LCORL: variants seen among roughly 807,000 people sequenced by gnomAD.
LCORL encodes the protein ligand-dependent nuclear receptor corepressor-like protein.
A neutral mutation model predicts 141.8 loss-of-function variants in LCORL; 41 were observed. The observed-to-expected ratio is 0.29, with a 90% CI of 0.23 to 0.38. The LOEUF is 0.38. Among genes scored for constraint, LCORL ranks in the 10% least tolerant of loss-of-function variants. The pLI, the probability that LCORL is intolerant of heterozygous loss-of-function variation, is 1.00. For synonymous variants in LCORL, 618 were observed against 694.1 expected (o/e 0.89, Z 1.72); for missense variants, 1,759 against 2,035.0 (o/e 0.86, Z 2.61).
intron 5 of LCORL, among the ~76,000 whole-genome samples, chr4:17,897,213 CTTTTTTTTTTTTTTTT>C (rs761784734): frequency 0.015 from 964 of 63,986 alleles, 61 homozygotes; most frequent in African/African-American, 0.046. Context: ...ATACTGATTT[CTTTTTTTTTTTTTTTT>C]TTTTTTTTTT....
At chr4:17,991,849 A>G (rs1040099059) in intron 1 of LCORL, among the ~76,000 whole-genome samples, 5 of 151,936 alleles carry the variant, frequency 3.3e-5, no homozygotes, top group Non-Finnish European at 7.4e-5. Flanking sequence ...CCATATCTGA[A>G]GCCCTAAACT....
intron 4 of LCORL, among the ~76,000 whole-genome samples, chr4:17,923,903 A>G (rs544231659): frequency 6.6e-6 from 1 of 152,008 alleles, no homozygotes; most frequent in Admixed American, 6.5e-5. Context: ...TTTCCCAATC[A>G]TGATTCTTCC....
At chr4:17,940,460 T>C (rs1737755844) in intron 4 of LCORL, among the ~76,000 whole-genome samples, 1 of 144,854 alleles carries the variant, frequency 6.9e-6, no homozygotes, top group African/African-American at 2.7e-5. Flanking sequence ...ATGTAATATA[T>C]ATTATGTAAT....
chr4:17,989,012 A>T (rs1050737418), intron 1 of LCORL, among the ~76,000 whole-genome samples: 4 of 152,180 alleles, frequency 2.6e-5, no homozygotes, highest in Non-Finnish European at 5.9e-5. Flanking sequence ...AACAAAATTT[A>T]AAAAAACTTT....
At chr4:18,020,304 G>GT (rs949104315) in intron 1 of LCORL, among the ~76,000 whole-genome samples, 7 of 152,038 alleles carry the variant, frequency 4.6e-5, no homozygotes, top group African/African-American at 1.7e-4. Flanking sequence ...TGGAAACAAG[G>GT]TAAGAGAGTT....
intron 2 of LCORL, 55 bp downstream of exon 2, chr4:17,972,765 C>T: frequency 1.2e-6 from 1 of 820,400 alleles, no homozygotes; most frequent in Non-Finnish European, 1.7e-6. Context: ...AACAATTTTT[C>T]ATTTGTTAAA....
intron 5 of LCORL, among the ~76,000 whole-genome samples, chr4:17,907,866 A>G (rs958245351): frequency 2.6e-5 from 4 of 152,176 alleles, no homozygotes; most frequent in Non-Finnish European, 4.4e-5. Context: ...TTCTTTCCCT[A>G]TCTTATAAGC....
chr4:17,895,267 CCTAA>C (rs1258593763), intron 5 of LCORL, among the ~76,000 whole-genome samples: 7 of 152,026 alleles, frequency 4.6e-5, no homozygotes, highest in Non-Finnish European at 8.8e-5. Context: ...ATTCCTCCTA[CCTAA>C]CTTTGTACCT....
intron 6 of LCORL, 87 bp downstream of exon 6, chr4:17,885,981 G>A (rs987418358): frequency 1.3e-5 from 8 of 639,900 alleles, no homozygotes; most frequent in African/African-American, 5.8e-5. Flanking sequence ...AACTATATAC[G>A]TCAATACTAC....
At chr4:17,964,765 G>C (rs953530702) in intron 2 of LCORL, among the ~76,000 whole-genome samples, 2 of 152,000 alleles carry the variant, frequency 1.3e-5, no homozygotes, top group Non-Finnish European at 2.9e-5. Flanking sequence ...ACCCATAAGC[G>C]TGCAAAAGAT....
chr4:17,991,926 G>A (rs191998698), intron 1 of LCORL, among the ~76,000 whole-genome samples: 1 of 152,110 alleles, frequency 6.6e-6, no homozygotes, highest in Non-Finnish European at 1.5e-5. Context: ...AATGATTACG[G>A]AAGTGAAGCA....
At chr4:17,978,539 G>C (rs750906089) in intron 1 of LCORL, among the ~76,000 whole-genome samples, 17 of 149,964 alleles carry the variant, frequency 1.1e-4, no homozygotes, top group Non-Finnish European at 2.2e-4. Context: ...GGAGTCTGAA[G>C]TGAGCTATGA....
rs1352798662 is a variant in LCORL, at chr4:17,876,275, GATA to G, written c.2712_2714del (p.Ile905del). On this transcript the variant is annotated inframe_deletion, in exon 7 of 8. Coordinates refer to ENST00000635767, the Ensembl canonical transcript of LCORL. ...CCACTGTAGGCATGCAGTGACTATT[GATA>G]ATATTGCCGGATGCTACCACAGATT... 3 of 1,230,806 alleles carry G rather than the reference GATA, an allele frequency of 2.4e-6. No homozygotes were observed. The African/African-American group carries it at 4.7e-5, about 19-fold the overall frequency. 76.2% of individuals were successfully genotyped at this position (1,230,806 alleles called of 1,614,324 possible). A position where few individuals can be genotyped will look rare whatever the true frequency, so the allele number is the denominator to read the frequency against.
At chr4:17,908,581 A>G (rs943107146) in intron 5 of LCORL, among the ~76,000 whole-genome samples, 2 of 152,186 alleles carry the variant, frequency 1.3e-5, no homozygotes, top group Non-Finnish European at 2.9e-5. Context: ...TATAAGTCCA[A>G]CATGGTCTTC....
At chr4:17,982,098 TCGTGTG>T (rs1718086199) in intron 1 of LCORL, among the ~76,000 whole-genome samples, 2 of 103,828 alleles carry the variant, frequency 1.9e-5, no homozygotes, top group African/African-American at 4.1e-5. Context: ...TAGTATTCCA[TCGTGTG>T]TGTGTGTGTG....
chr4:17,868,610 C>CA (rs1237346362), intron 7 of LCORL, among the ~76,000 whole-genome samples: 2 of 152,094 alleles, frequency 1.3e-5, no homozygotes, highest in African/African-American at 2.4e-5. Context: ...ATTACCATCT[C>CA]AAAAATCATC....
intron 1 of LCORL, among the ~76,000 whole-genome samples, chr4:17,989,451 A>C (rs1719590019): frequency 6.6e-6 from 1 of 152,208 alleles, no homozygotes; most frequent in African/African-American, 2.4e-5. Context: ...TATTTCAATG[A>C]CACCAAAGTA....
chr4:17,919,364 T>A (rs1733947353), intron 4 of LCORL, among the ~76,000 whole-genome samples: 1 of 152,114 alleles, frequency 6.6e-6, no homozygotes, highest in Non-Finnish European at 1.5e-5. Flanking sequence ...TTTAATAAAA[T>A]GGAGGAAACA....
intron 6 of LCORL, chr4:17,883,114 T>A (rs1727794142): frequency 1.0e-6 from 1 of 974,294 alleles, no homozygotes. Flanking sequence ...TCATTATACA[T>A]ATCCTTTAAG....
Sources: gnomAD v4.1 joint callset for allele counts (sites outside exome capture counted in the v4.1 genomes callset) on GRCh38, gnomAD v4.1.1 for gene constraint, MANE v1.5 for transcripts, NCBI Gene and HGNC (gene_info 2026-07-23, HGNC 2026-07-21) for gene names.